Variants in CEP135 observed in about 807,000 individuals in gnomAD.
CEP135 encodes centrosomal protein 135.
CEP135 carries 142 observed loss-of-function variants against 157.3 expected under a neutral mutation model. The observed-to-expected ratio is 0.90, with a 90% CI of 0.79 to 1.04. CEP135 has a LOEUF of 1.04. Among genes scored for constraint, CEP135 ranks in the 50% least tolerant of loss-of-function variants. The pLI is 0.00. For missense variants in CEP135, 1,317 were observed against 1,309.2 expected, an observed-to-expected ratio of 1.01 and a Z score of -0.09; for synonymous variants, 396 against 439.8, an observed-to-expected ratio of 0.90 and a Z score of 1.25.
chr4:56,017,532 T>C (rs1344865851), intron 21 of CEP135, 116 bp from the exon 22 acceptor site: 1 of 847,606 alleles, frequency 1.2e-6, no homozygotes, highest in East Asian at 2.7e-5. Flanking sequence ...TATTTTAAAA[T>C]AAGCAAAAAT....
At chr4:55,999,699 GTT>G in intron 17 of CEP135, 54 bp downstream of exon 17, 1 of 1,538,626 alleles carries the variant, frequency 6.5e-7, no homozygotes, top group Middle Eastern at 2.5e-4. Context: ...AGTTTTTTTT[GTT>G]TTTGTTTTTG....
chr4:56,014,271 G>C (rs1473206065), intron 21 of CEP135, among the ~76,000 whole-genome samples: 4 of 152,228 alleles, frequency 2.6e-5, no homozygotes, highest in Non-Finnish European at 5.9e-5. Flanking sequence ...AAATATGAAA[G>C]TGGCTTTGGA....
intron 23 of CEP135, among the ~76,000 whole-genome samples, chr4:56,020,334 G>A (rs1377603594): frequency 6.6e-6 from 1 of 152,182 alleles, no homozygotes; most frequent in Non-Finnish European, 1.5e-5. Flanking sequence ...ACACATGGAA[G>A]AATGAGCTTT....
intron 25 of CEP135, among the ~76,000 whole-genome samples, chr4:56,029,782 T>A (rs1731279458): frequency 6.6e-6 from 1 of 152,142 alleles, no homozygotes; most frequent in African/African-American, 2.4e-5. Flanking sequence ...AGTAAAAATG[T>A]GGTTTAAAAG....
Position 55,985,269 on chromosome 4 carries a change from A to C in CEP135, c.1780-12A>C. On this transcript the variant is annotated splice_polypyrimidine_tract_variant and intron_variant, in intron 13 of 25. Transcript: ENST00000257287. ...GATACAAATGAACATTTTCTTTAAC[A>C]TTCTTTTTCAGCATATTGAAGAAGT... is the stretch of plus-strand genomic sequence containing the variant. 6.8e-7 allele frequency: 1 copy of C among 1,477,116 alleles called. No individual in the cohort carries two copies. The highest frequency in any genetic ancestry group is 9.4e-7 in the Non-Finnish European group (1 of 1,061,558). The allele number at this position is 1,477,116 out of a possible 1,614,324, so 91.5% of individuals were successfully genotyped here. A position where few individuals can be genotyped will look rare whatever the true frequency, so the allele number is the denominator to read the frequency against.
At chr4:55,972,895 G>T (rs2109670459) in intron 10 of CEP135, among the ~76,000 whole-genome samples, 1 of 152,256 alleles carries the variant, frequency 6.6e-6, no homozygotes, top group African/African-American at 2.4e-5. Context: ...AGCTGGGCGT[G>T]GTGGTGGGTG....
chr4:55,991,990 A>G lies in CEP135; in HGVS notation c.1914A>G (p.Ile638Met). 6.3e-7 allele frequency: 1 copy of G among 1,582,244 alleles called. No individual in the cohort carries two copies. The highest frequency in any genetic ancestry group is 8.7e-7 in the Non-Finnish European group (1 of 1,156,036). The change falls in exon 15 of 26, where the codon ATA becomes ATG. Residue 638 changes from isoleucine to methionine, a missense_variant. Ile to Met is a conservative substitution (Grantham distance 10). Transcript: ENST00000257287. ...AAGTGTTAATAATGAAAGAAACAAT[A>G]GAGTCGTTAGAGAACAAATTAAAAG... ...KSKVLIMKET[I>M]ESLENKLKVQ...
At chr4:56,009,128 C>T (rs550705613) in intron 18 of CEP135, among the ~76,000 whole-genome samples, 4 of 152,256 alleles carry the variant, frequency 2.6e-5, no homozygotes, top group African/African-American at 9.6e-5. Flanking sequence ...TCTCGAACTC[C>T]TGGGCTCAAG....
chr4:55,961,120 A>G (rs1424697081), intron 6 of CEP135, among the ~76,000 whole-genome samples: 1 of 149,886 alleles, frequency 6.7e-6, no homozygotes, highest in Non-Finnish European at 1.5e-5. Context: ...AAAAAAAAAA[A>G]GGAAATCATA....
In CEP135 at chr4:55,958,271, C is replaced by T. The variant is rs544594066; in HGVS notation, c.614+907C>T. 3.9e-5 allele frequency among the ~76,000 whole-genome samples: 6 copies of T among 152,182 alleles called. No individual in the cohort carries two copies. In the South Asian group the frequency reaches 1.2e-3, roughly 32 times the overall value. ...TCAATATAGTGAGACCTTTTCTCTA[C>T]AAAAAATTTAAAAATTAGCCGAGCA... On this transcript the variant is annotated intron_variant, in intron 5 of 25. Transcript: ENST00000257287.
In CEP135 at chr4:55,974,245, A is replaced by G. The variant is rs538287394; in HGVS notation, c.1250-501A>G. Among the ~76,000 whole-genome samples the G allele has an allele frequency of 5.9e-5, 9 of 152,364 alleles. No homozygotes were observed. The East Asian group carries it at 9.6e-4, about 16-fold the overall frequency. ...AACATAAATTAAATTAGGTTCAACT[A>G]TATGAAATTGCCAGTATTTGATTAC... On this transcript the variant is annotated intron_variant, in intron 10 of 25. Coordinates refer to ENST00000257287, the MANE Select transcript of CEP135 (RefSeq NM_025009.5).
intron 15 of CEP135, 88 bp downstream of exon 15, chr4:55,992,173 C>A (rs893281187): frequency 2.3e-6 from 3 of 1,293,230 alleles, no homozygotes; most frequent in Admixed American, 5.4e-5. Flanking sequence ...TTGGACTGGG[C>A]CTTTGTGCAG....
At chr4:55,978,712 G>A (rs1418968929) in intron 11 of CEP135, among the ~76,000 whole-genome samples, 1 of 152,112 alleles carries the variant, frequency 6.6e-6, no homozygotes, top group Admixed American at 6.6e-5. Context: ...CACTATGCCT[G>A]GCTAATTTTT....
In CEP135 at chr4:55,965,822, T is replaced by C. The variant is rs752608743; in HGVS notation, c.1007T>C (p.Val336Ala). The change falls in exon 8 of 26, where the codon GTG (valine) becomes GCG (alanine). Residue 336 changes from valine (V) to alanine (A), a missense_variant. Val to Ala is a moderately conservative substitution (Grantham distance 64). Transcript: ENST00000257287. ...AQQLERHKEEVLETADKELGE... is the reference protein window; with the variant it reads ...AQQLERHKEEALETADKELGE... ...CAGTTGGAAAGACATAAAGAAGAAG[T>C]GCTTGAGACTGCTGATAAAGAGCTT... 1 of 1,613,518 alleles carries C rather than the reference T, an allele frequency of 6.2e-7. No homozygotes were observed. Among genetic ancestry groups the C allele is most frequent in the African/African-American group, 1.3e-5 (1 of 75,034 alleles).
intron 12 of CEP135, among the ~76,000 whole-genome samples, 189 bp downstream of exon 12, chr4:55,980,484 T>C (rs1441561935): frequency 6.6e-6 from 1 of 152,228 alleles, no homozygotes; most frequent in Admixed American, 6.5e-5. Context: ...TTTTCATATT[T>C]ATTCTTTCCC....
intron 8 of CEP135, among the ~76,000 whole-genome samples, chr4:55,967,267 C>G (rs1419581223): frequency 6.6e-6 from 1 of 151,868 alleles, no homozygotes; most frequent in Non-Finnish European, 1.5e-5. Flanking sequence ...ACAAATACAC[C>G]ACAAATGTTG....
In CEP135 at chr4:55,953,263, C is replaced by A. The variant is rs749547226; in HGVS notation, c.292C>A (p.Gln98Lys). The stretch of plus-strand genomic sequence containing the variant: ...AATGAAACTGAGAGAACATTCAGAC[C>A]AACACGTTAAAGGTAAGTGAAAATT... The part of the protein sequence containing the change: ...ELMKLREHSD[Q>K]HVKELKTSLK... The change falls in exon 3 of 26, where the codon CAA becomes AAA. Residue 98 changes from glutamine to lysine, a missense_variant. Physicochemically the swap from Gln to Lys is moderately conservative, Grantham distance 53. Transcript: ENST00000257287. 2.6e-6 allele frequency: 4 copies of A among 1,538,444 alleles called. No individual in the cohort carries two copies. In the South Asian group the frequency reaches 5.0e-5, roughly 19 times the overall value.
At chr4:55,975,352 AT>A (rs1011261407) in intron 11 of CEP135, among the ~76,000 whole-genome samples, 1 of 152,168 alleles carries the variant, frequency 6.6e-6, no homozygotes, top group Non-Finnish European at 1.5e-5. Flanking sequence ...GTTTCATGTC[AT>A]TTCCAGCCTT....
chr4:56,031,238 A>G (rs1010648657), intron 25 of CEP135, 122 bp from the exon 26 acceptor site: 2 of 152,644 alleles, frequency 1.3e-5, no homozygotes, highest in Admixed American at 6.5e-5. Flanking sequence ...GATGTGGGGC[A>G]CAGAGTTTTA....
Sources: gnomAD v4.1 joint callset for allele counts (sites outside exome capture counted in the v4.1 genomes callset) on GRCh38, gnomAD v4.1.1 for gene constraint, MANE v1.5 for transcripts, NCBI Gene and HGNC (gene_info 2026-07-23, HGNC 2026-07-21) for gene names.